The following TSC22D1 variants were observed in gnomAD, a reference collection of about 807,000 sequenced individuals.
TSC22D1 encodes TSC22 domain family member 1.
TSC22D1 carries 9 observed loss-of-function variants against 74.2 expected under a neutral mutation model. The observed-to-expected ratio is 0.12, with a 90% confidence interval of 0.07 to 0.21. The LOEUF (loss-of-function observed/expected upper bound fraction) is 0.21. Ranked by LOEUF, TSC22D1 falls within the 10% of genes least tolerant of loss-of-function variation. The pLI is 1.00. For missense variants in TSC22D1, 1,427 were observed against 1,304.7 expected, an observed-to-expected ratio of 1.09 and a Z score of -1.44; for synonymous variants, 586 against 492.5, an observed-to-expected ratio of 1.19 and a Z score of -2.51.
chr13:44,555,948 T>C (rs2138175145), intron 1 of TSC22D1, among the ~76,000 whole-genome samples: 1 of 152,136 alleles, frequency 6.6e-6, no homozygotes, highest in South Asian at 2.1e-4. Flanking sequence ...AAGTAAAATA[T>C]CTAGAAATGC....
At chr13:44,547,534 A>G (rs1263793623) in intron 1 of TSC22D1, among the ~76,000 whole-genome samples, 1 of 152,174 alleles carries the variant, frequency 6.6e-6, no homozygotes, top group East Asian at 1.9e-4. Context: ...TTACATTATC[A>G]TGTATGTTTA....
intron 1 of TSC22D1, among the ~76,000 whole-genome samples, chr13:44,454,279 G>C (rs545712078): frequency 3.9e-5 from 6 of 152,080 alleles, no homozygotes; most frequent in Non-Finnish European, 8.8e-5. Flanking sequence ...ACCTAATCAG[G>C]ATAACTAAAT....
At chr13:44,467,187 A>T (rs1241947598) in intron 1 of TSC22D1, among the ~76,000 whole-genome samples, 2 of 151,616 alleles carry the variant, frequency 1.3e-5, no homozygotes, top group Non-Finnish European at 2.9e-5. Context: ...ACAAAAAAAA[A>T]TAGCTGCTAT....
In TSC22D1 at chr13:44,434,595, G is replaced by A. The variant is rs1294139234; in HGVS notation, c.*31C>T. 6.6e-7 allele frequency: 1 copy of A among 1,510,724 alleles called. No homozygotes were observed. The allele number at this position is 1,510,724 out of a possible 1,614,324, so 93.6% of individuals were successfully genotyped here. ...TCTTCTCCGTCTGTTCAGTTCACAC[G>A]CAGCAGCCAGTTCTGCGGGGGCATA... On this transcript the variant is annotated 3_prime_UTR_variant, in exon 3 of 3. Transcript: ENST00000458659.
intron 1 of TSC22D1, among the ~76,000 whole-genome samples, chr13:44,524,089 T>A (rs1344108279): frequency 6.6e-6 from 1 of 152,130 alleles, no homozygotes; most frequent in Non-Finnish European, 1.5e-5. Flanking sequence ...ACTTAGTAGA[T>A]CCTCAATAGA....
chr13:44,494,566 T>A (rs952807103), intron 1 of TSC22D1, among the ~76,000 whole-genome samples: 4 of 150,100 alleles, frequency 2.7e-5, no homozygotes, highest in Middle Eastern at 3.4e-3. Context: ...TCAAAAAAAA[T>A]AAAAAATAAA....
chr13:44,438,716 C>T (rs1018428729), intron 1 of TSC22D1, among the ~76,000 whole-genome samples: 2 of 151,376 alleles, frequency 1.3e-5, no homozygotes, highest in Non-Finnish European at 2.9e-5. Context: ...TACCCATTTC[C>T]AACAAAAGGA....
intron 1 of TSC22D1, among the ~76,000 whole-genome samples, chr13:44,484,229 A>T (rs576810145): frequency 6.6e-6 from 1 of 152,314 alleles, no homozygotes; most frequent in South Asian, 2.1e-4. Context: ...GTAGCCTAAG[A>T]GTTTGAAATT....
chr13:44,515,445 C>CT (rs879885981), intron 1 of TSC22D1, among the ~76,000 whole-genome samples: 2,404 of 142,198 alleles, frequency 0.017, 47 homozygotes, highest in African/African-American at 0.052. Context: ...TGAAAAAAAT[C>CT]TTTTTTTTTT....
chr13:44,468,385 TA>T (rs962903126), intron 1 of TSC22D1, among the ~76,000 whole-genome samples: 1 of 150,014 alleles, frequency 6.7e-6, no homozygotes, highest in African/African-American at 2.4e-5. Flanking sequence ...ATTTTTTTTT[TA>T]AAAAAGCTGC....
intron 1 of TSC22D1, among the ~76,000 whole-genome samples, chr13:44,564,433 G>T (rs748743893): frequency 6.6e-6 from 1 of 152,176 alleles, no homozygotes; most frequent in South Asian, 2.1e-4. Context: ...AGATTGGTAC[G>T]TCAGAGGCAG....
chr13:44,517,855 A>ATTTTTTTTTTT (rs1262351609), intron 1 of TSC22D1, among the ~76,000 whole-genome samples: 1 of 23,540 alleles, frequency 4.2e-5, no homozygotes, highest in Non-Finnish European at 1.1e-4. Context: ...ATATATATAT[A>ATTTTTTTTTTT]TATTTTTTTT....
chr13:44,566,523 A>G (rs1045088031), intron 1 of TSC22D1, among the ~76,000 whole-genome samples: 1 of 152,214 alleles, frequency 6.6e-6, no homozygotes, highest in African/African-American at 2.4e-5. Context: ...CTTAAAATTT[A>G]TGTATTCATT....
intron 1 of TSC22D1, among the ~76,000 whole-genome samples, chr13:44,479,943 T>C (rs1878102328): frequency 6.6e-6 from 1 of 152,242 alleles, no homozygotes; most frequent in Admixed American, 6.5e-5. Flanking sequence ...GACTGCTGTA[T>C]GAAAATTTTA....
At position 44,433,211 on chromosome 13, in the gene TSC22D1, G is replaced by A. The variant is rs1247213140; in HGVS notation, c.*1415C>T. On this transcript the variant is annotated 3_prime_UTR_variant, in exon 3 of 3. Coordinates refer to ENST00000458659, the MANE Select transcript of TSC22D1 (RefSeq NM_183422.4). The stretch of plus-strand genomic sequence containing the variant: ...AAATTAAGATTTTCAAGGACTCCTA[G>A]AATTTTAAAGCCAAAGGGGAATGTA... 1 of 152,206 alleles carries A rather than the reference G, an allele frequency of 6.6e-6. No homozygotes were observed. Among genetic ancestry groups the A allele is most frequent in the African/African-American group, 2.4e-5 (1 of 41,420 alleles). The allele number at this position is 152,206 out of a possible 1,614,324, so 9.4% of individuals were successfully genotyped here.
At position 44,573,395 on chromosome 13, in the gene TSC22D1, A is replaced by C. The variant is rs1289939661; in HGVS notation, c.2680T>G (p.Ser894Ala). Residue 894 changes from serine to alanine, a missense_variant, in exon 1 of 3, where the codon TCT becomes GCT. Physicochemically the swap from Ser to Ala is moderately conservative, Grantham distance 99. Transcript: ENST00000458659. ...AATGATTGTGCGGAGAACTGGGTAG[A>C]ACTTAGTGGTATCTGTTGTGCCAAA... Reference protein sequence around the residue: ...LPLAQQIPLSSTQFSAQSLAQ... With the variant: ...LPLAQQIPLSATQFSAQSLAQ... The C allele has an allele frequency of 1.9e-6, 3 of 1,614,246 alleles. No individual in the cohort carries two copies. The highest frequency in any genetic ancestry group is 2.5e-6 in the Non-Finnish European group (3 of 1,180,046).
In TSC22D1 at chr13:44,433,808, T is replaced by G; in HGVS notation, c.*818A>C. The stretch of plus-strand genomic sequence containing the variant: ...AAAGTGAGTAACTGTGCCAAATTCT[T>G]AAAATTTCTTTAGGTGTGGTTTTTG... On this transcript the variant is annotated 3_prime_UTR_variant, in exon 3 of 3. Transcript: ENST00000458659. 1.7e-6 allele frequency: 1 copy of G among 579,132 alleles called. No homozygotes were observed. Among genetic ancestry groups the G allele is most frequent in the Non-Finnish European group, 2.8e-6 (1 of 353,990 alleles). The allele number at this position is 579,132 out of a possible 1,614,324, so 35.9% of individuals were successfully genotyped here.
intron 1 of TSC22D1, among the ~76,000 whole-genome samples, chr13:44,557,210 CCCAG>C (rs1882708447): frequency 6.6e-6 from 1 of 151,950 alleles, no homozygotes. Flanking sequence ...CACCTGTAAT[CCCAG>C]CACTTTGGGA....
chr13:44,451,052 A>G (rs1396006516), intron 1 of TSC22D1, among the ~76,000 whole-genome samples: 1 of 152,180 alleles, frequency 6.6e-6, no homozygotes, highest in East Asian at 1.9e-4. Context: ...CAAGACAGAG[A>G]AAGTGATTTA....
Sources: gnomAD v4.1 joint callset for allele counts (sites outside exome capture counted in the v4.1 genomes callset) on GRCh38, gnomAD v4.1.1 for gene constraint, MANE v1.5 for transcripts, NCBI Gene and HGNC (gene_info 2026-07-23, HGNC 2026-07-21) for gene names.